The following BLNK variants were observed in gnomAD, a reference collection of about 807,000 sequenced individuals.
BLNK encodes B cell linker.
In BLNK, 29 loss-of-function variants were observed where a neutral mutation model predicts 73.5. The ratio of observed to expected loss-of-function variants is 0.39; its 90% confidence interval spans 0.29 to 0.54. The LOEUF is 0.54. Ranked by LOEUF, BLNK falls within the 20% of genes least tolerant of loss-of-function variation. BLNK has a pLI of 0.61. For synonymous variants in BLNK, 176 were observed against 200.8 expected, an observed-to-expected ratio of 0.88 and a Z score of 1.04; for missense variants, 460 against 562.8, an observed-to-expected ratio of 0.82 and a Z score of 1.85.
intron 6 of BLNK, among the ~76,000 whole-genome samples, chr10:96,220,409 T>C (rs2084171495): frequency 1.3e-5 from 2 of 152,352 alleles, no homozygotes; most frequent in Admixed American, 6.5e-5. Context: ...AAAGACTCGA[T>C]CCAGTCTCAA....
rs140957683 is a variant in BLNK at position 96,227,428 on chromosome 10, C to A, written c.343G>T (p.Ala115Ser). Residue 115 changes from alanine (A) to serine (S), a missense_variant, in exon 5 of 17, where the codon GCC (alanine) becomes TCC (serine). By Grantham distance (99) the Ala-to-Ser change is moderately conservative. Transcript: ENST00000224337. ...TRPVHPALPFARGEYIDNRSS... is the reference protein window; with the variant it reads ...TRPVHPALPFSRGEYIDNRSS... The stretch of plus-strand genomic sequence containing the variant: ...ACCTCACCTATATACTCGCCTCTGG[C>A]GAAGGGCAGGGCTGGGTGAACCGGC... 1.2e-6 allele frequency: 2 copies of A among 1,614,068 alleles called. No homozygotes were observed. The highest frequency in any genetic ancestry group is 2.2e-5 in the South Asian group (2 of 91,088).
In BLNK at chr10:96,200,021, C is replaced by G. The variant is rs1268685436; in HGVS notation, c.1095+54G>C. On this transcript the variant is annotated intron_variant, in intron 15 of 16. Transcript: ENST00000224337. The surrounding 1 kb of genome is among the most constrained non-coding windows in gnomAD (Gnocchi z 4.3). ...CCAGTGAAACTGCATCATCTCAAAA[C>G]AAATAAATAAAATAAAATAAAATAA... The G allele has an allele frequency of 8.0e-7, 1 of 1,253,846 alleles. No homozygotes were observed. The highest frequency in any genetic ancestry group is 1.0e-6 in the Non-Finnish European group (1 of 967,666). 77.7% of individuals were successfully genotyped at this position (1,253,846 alleles called of 1,614,324 possible). A position where few individuals can be genotyped will look rare whatever the true frequency, so the allele number is the denominator to read the frequency against.
intron 4 of BLNK, among the ~76,000 whole-genome samples, chr10:96,229,029 A>T (rs1033655254): frequency 1.3e-5 from 2 of 152,162 alleles, no homozygotes; most frequent in Non-Finnish European, 2.9e-5. Flanking sequence ...TAGTAATAAC[A>T]TCTGGGTAAA....
chr10:96,265,901 C>G (rs1241518675), intron 1 of BLNK, among the ~76,000 whole-genome samples: 3 of 152,162 alleles, frequency 2.0e-5, no homozygotes, highest in African/African-American at 7.2e-5. Context: ...CTACTAGTGT[C>G]TGTAACACTC....
chr10:96,228,492 G>A (rs587601870), intron 4 of BLNK, among the ~76,000 whole-genome samples: 25 of 152,230 alleles, frequency 1.6e-4, no homozygotes, highest in African/African-American at 5.8e-4. Context: ...CCTGACCTCA[G>A]GTGATCTGCC....
chr10:96,259,852 A>C (rs1435439503), intron 1 of BLNK, among the ~76,000 whole-genome samples: 2 of 151,350 alleles, frequency 1.3e-5, no homozygotes, highest in East Asian at 1.9e-4. Flanking sequence ...TCCTTCAAAA[A>C]CCCTGGTAGG....
Position 96,227,409 on chromosome 10 carries a change from C to G in BLNK, c.361+1G>C. 6.2e-7 allele frequency: 1 copy of G among 1,613,672 alleles called. No individual in the cohort carries two copies. The highest frequency in any genetic ancestry group is 8.5e-7 in the Non-Finnish European group (1 of 1,180,024). On this transcript the variant is annotated splice_donor_variant, in intron 5 of 16. Transcript: ENST00000224337. LOFTEE classifies it high-confidence loss of function. ...GTGCCCAGGTCTGCGGGGGACCTCA[C>G]CTATATACTCGCCTCTGGCGAAGGG...
rs1425478647 is a variant in BLNK at position 96,215,383 on chromosome 10, A to G, written c.614T>C (p.Met205Thr). 8 of 1,612,058 alleles carry G rather than the reference A, an allele frequency of 5.0e-6. No individual in the cohort carries two copies. Among genetic ancestry groups the G allele is most frequent in the Non-Finnish European group, 6.8e-6 (8 of 1,179,316 alleles). The change falls in exon 8 of 17, where the codon ATG becomes ACG. Residue 205 changes from methionine to threonine, a missense_variant. Around this residue, in one of 3 missense-constraint regions of BLNK, gnomAD observed 233 missense variants for 232.1 expected, o/e 1.00. Coordinates refer to ENST00000224337, the MANE Select transcript of BLNK (RefSeq NM_013314.4). Reference sequence around the variant, plus strand: ...ATTTGGCTTGGTTGATCTATTCACCATGGGAGCTTAAACACAGAAATGTGT... The same window carrying G: ...ATTTGGCTTGGTTGATCTATTCACCGTGGGAGCTTAAACACAGAAATGTGT... ...SSSPPPEKAP[M>T]VNRSTKPNSS...
intron 3 of BLNK, among the ~76,000 whole-genome samples, chr10:96,242,133 T>C (rs782426704): frequency 1.3e-5 from 2 of 152,178 alleles, no homozygotes; most frequent in African/African-American, 2.4e-5. Context: ...TTGTAGGAGA[T>C]AATTGAATCA....
intron 1 of BLNK, among the ~76,000 whole-genome samples, chr10:96,251,716 A>G (rs1224659874): frequency 6.6e-6 from 1 of 152,222 alleles, no homozygotes; most frequent in Admixed American, 6.5e-5. Context: ...CATATAAATA[A>G]TTATAATACT....
intron 2 of BLNK, among the ~76,000 whole-genome samples, chr10:96,245,644 A>C (rs1843015893): frequency 6.6e-6 from 1 of 152,218 alleles, no homozygotes; most frequent in South Asian, 2.1e-4. Flanking sequence ...AATATGGTTA[A>C]TTTTTACTTA....
At chr10:96,220,390 G>C (rs1032687920) in intron 6 of BLNK, among the ~76,000 whole-genome samples, 11 of 152,188 alleles carry the variant, frequency 7.2e-5, no homozygotes, top group African/African-American at 2.7e-4. Flanking sequence ...AAAGAAGACT[G>C]ATAGGAAAAA....
intron 6 of BLNK, among the ~76,000 whole-genome samples, chr10:96,219,028 C>T (rs868928371): frequency 2.4e-4 from 36 of 152,168 alleles, no homozygotes; most frequent in African/African-American, 8.0e-4. Flanking sequence ...GCTGAATCAT[C>T]GGAAGTTCTC....
In BLNK at chr10:96,197,015, G is replaced by T. The variant is rs1182608796; in HGVS notation, c.1144C>A (p.Pro382Thr). Residue 382 changes from proline (P) to threonine (T), a missense_variant, in exon 16 of 17, where the codon CCA becomes ACA. Around this residue, in one of 3 missense-constraint regions of BLNK, gnomAD observed 88 missense variants for 143.4 expected, o/e 0.61. Transcript: ENST00000224337. ...RKSSGHDSKQ[P>T]YTLVVFFNKR... Reference sequence around the variant, plus strand: ...TTAAAGAATACAACTAGTGTATATGGTTGTTTGGAATCATGGCCAGAGCTT... The same window carrying T: ...TTAAAGAATACAACTAGTGTATATGTTTGTTTGGAATCATGGCCAGAGCTT... 1 of 1,612,918 alleles carries T rather than the reference G, an allele frequency of 6.2e-7. No individual in the cohort carries two copies. The highest frequency in any genetic ancestry group is 1.3e-5 in the African/African-American group (1 of 74,890).
At chr10:96,208,852 A>C (rs1197957835) in intron 9 of BLNK, among the ~76,000 whole-genome samples, 3 of 152,232 alleles carry the variant, frequency 2.0e-5, no homozygotes, top group African/African-American at 7.2e-5. Context: ...GAGACGAAGT[A>C]GTTTGCCCAA....
chr10:96,250,875 A>G (rs539346008), intron 1 of BLNK, among the ~76,000 whole-genome samples: 1 of 152,348 alleles, frequency 6.6e-6, no homozygotes, highest in East Asian at 1.9e-4. Context: ...GAAGTGTTGC[A>G]TAAACTATAC....
intron 1 of BLNK, among the ~76,000 whole-genome samples, chr10:96,259,430 C>T (rs1564852006): frequency 1.3e-5 from 2 of 152,128 alleles, no homozygotes; most frequent in Admixed American, 6.6e-5. Flanking sequence ...CGGTAGCGGC[C>T]CTCTGGGGTC....
chr10:96,204,455 C>T, intron 12 of BLNK, 77 bp downstream of exon 12: 2 of 1,410,902 alleles, frequency 1.4e-6, no homozygotes, highest in South Asian at 1.2e-5. Context: ...GTCAGTGTCA[C>T]TGTGCAGTGA....
chr10:96,204,722 C>T, intron 11 of BLNK, 106 bp from the exon 12 acceptor site: 1 of 975,016 alleles, frequency 1.0e-6, no homozygotes, highest in Admixed American at 1.9e-5. Context: ...AGAAGTCTTC[C>T]CGGGAACATG....
Sources: gnomAD v4.1 joint callset for allele counts (sites outside exome capture counted in the v4.1 genomes callset) on GRCh38, gnomAD v4.1.1 for gene constraint, gnomAD v4.1.1 regional missense constraint, Gnocchi (gnomAD v3.1) non-coding constraint, MANE v1.5 for transcripts, NCBI Gene and HGNC (gene_info 2026-07-23, HGNC 2026-07-21) for gene names.